The following DIP2C variants were observed in gnomAD, a reference collection of about 807,000 sequenced individuals.
DIP2C encodes disco-interacting protein 2 homolog C.
In DIP2C, 33 loss-of-function variants were observed where a neutral mutation model predicts 192.4. That is an observed-to-expected ratio of 0.17 (90% confidence interval 0.13 to 0.23). The LOEUF (loss-of-function observed/expected upper bound fraction) is 0.23, where lower values mean the gene tolerates loss of function less well. DIP2C is among the 10% of genes least tolerant of loss of function. The pLI, the probability that DIP2C is intolerant of heterozygous loss-of-function variation, is 1.00. For synonymous variants in DIP2C, 979 were observed against 864.1 expected (o/e 1.13, Z -2.33); for missense variants, 1,537 against 2,110.1 (o/e 0.73, Z 5.32).
At chr10:446,253 C>T (rs752738440) in intron 3 of DIP2C, among the ~76,000 whole-genome samples, 44 of 152,080 alleles carry the variant, frequency 2.9e-4, no homozygotes, top group Non-Finnish European at 5.9e-4. Flanking sequence ...CATCTGTATA[C>T]ACCTGTCATG....
chr10:394,026 G>C (rs1963732035), intron 10 of DIP2C, among the ~76,000 whole-genome samples: 1 of 152,194 alleles, frequency 6.6e-6, no homozygotes, highest in African/African-American at 2.4e-5. Context: ...CCTAAATATA[G>C]AACTACCATA....
At chr10:379,865 C>T (rs1962167573) in intron 17 of DIP2C, among the ~76,000 whole-genome samples, 1 of 152,188 alleles carries the variant, frequency 6.6e-6, no homozygotes, top group Admixed American at 6.5e-5. Context: ...GCAGAAGAGG[C>T]TGTCCCTGGA....
At chr10:378,069 C>T (rs1444450723) in intron 17 of DIP2C, among the ~76,000 whole-genome samples, 2 of 152,130 alleles carry the variant, frequency 1.3e-5, no homozygotes, top group Admixed American at 6.6e-5. Context: ...AAACAGTTTC[C>T]TGGTTTTCGC....
rs573634850 is a variant in DIP2C at position 649,197 on chromosome 10, G to A, written c.85+40297C>T. 7.3e-4 allele frequency among the ~76,000 whole-genome samples: 110 copies of A among 150,748 alleles called. 3 individuals carry two copies. The highest frequency in any genetic ancestry group is 2.8e-3 in the East Asian group (14 of 5,086). Reference sequence around the variant, plus strand: ...AACTGAGTCCACGTCCACATTTGACGGTGGGAGAGAACAGAGGGAAACTGA... The same window carrying A: ...AACTGAGTCCACGTCCACATTTGACAGTGGGAGAGAACAGAGGGAAACTGA... On this transcript the variant is annotated intron_variant, in intron 1 of 36. Transcript: ENST00000280886.
chr10:660,405 T>C (rs923841478), intron 1 of DIP2C, among the ~76,000 whole-genome samples: 4 of 151,964 alleles, frequency 2.6e-5, no homozygotes, highest in African/African-American at 9.7e-5. Context: ...CCCTTGTCCC[T>C]GTTTCAAGCT....
chr10:525,507 G>C (rs1311176381), intron 1 of DIP2C, among the ~76,000 whole-genome samples: 1 of 152,222 alleles, frequency 6.6e-6, no homozygotes, highest in East Asian at 1.9e-4. Context: ...CAAAGTGTTT[G>C]AGGAAAAGTC....
chr10:674,789 T>TATATATATATAGAGAGAGAG, intron 1 of DIP2C, among the ~76,000 whole-genome samples: 22 of 62,472 alleles, frequency 3.5e-4, no homozygotes, highest in East Asian at 1.6e-3. Context: ...TATATATATA[T>TATATATATATAGAGAGAGAG]AGAGAGAGAG....
chr10:348,848 G>T, intron 25 of DIP2C, 86 bp from the exon 26 acceptor site: 1 of 1,558,250 alleles, frequency 6.4e-7, no homozygotes. Context: ...CTTGTCTGGG[G>T]CAAGTTCAAC....
At chr10:660,355 G>C (rs573991349) in intron 1 of DIP2C, among the ~76,000 whole-genome samples, 1 of 150,538 alleles carries the variant, frequency 6.6e-6, no homozygotes, top group East Asian at 2.0e-4. Context: ...CCTAGCCCTT[G>C]TCCCTGTTTC....
At chr10:622,362 G>A (rs1361459535) in intron 1 of DIP2C, among the ~76,000 whole-genome samples, 2 of 78,298 alleles carry the variant, frequency 2.6e-5, no homozygotes, top group Non-Finnish European at 5.2e-5. Context: ...GGGAGGGAGG[G>A]AGGGGGAGAG....
At chr10:611,958 T>C (rs1853125231) in intron 1 of DIP2C, among the ~76,000 whole-genome samples, 1 of 144,372 alleles carries the variant, frequency 6.9e-6, no homozygotes, top group Admixed American at 7.3e-5. Flanking sequence ...AATTTCAAGA[T>C]TTTCAGACAG....
chr10:624,462 T>C (rs922830379), intron 1 of DIP2C, among the ~76,000 whole-genome samples: 3 of 152,198 alleles, frequency 2.0e-5, no homozygotes, highest in African/African-American at 4.8e-5. Context: ...CAGGCTTTTG[T>C]GCCTCACTCA....
At chr10:498,124 C>T (rs1406551957) in intron 1 of DIP2C, among the ~76,000 whole-genome samples, 1 of 152,194 alleles carries the variant, frequency 6.6e-6, no homozygotes. Context: ...CCTAGACTTC[C>T]CAAAGTGCTG....
At chr10:369,454 A>C in intron 18 of DIP2C, 40 bp downstream of exon 18, 1 of 1,485,070 alleles carries the variant, frequency 6.7e-7, no homozygotes, top group Non-Finnish European at 9.0e-7. Flanking sequence ...AAAAGCATTT[A>C]ATAACTGGTT....
At chr10:572,229 T>A (rs1259274854) in intron 1 of DIP2C, among the ~76,000 whole-genome samples, 78 of 152,364 alleles carry the variant, frequency 5.1e-4, no homozygotes, top group Non-Finnish European at 2.2e-4. Flanking sequence ...GCACCTGGCA[T>A]GTGTGCAGCA....
chr10:605,519 G>A (rs1379976677), intron 1 of DIP2C, among the ~76,000 whole-genome samples: 1 of 152,174 alleles, frequency 6.6e-6, no homozygotes, highest in Non-Finnish European at 1.5e-5. Context: ...ACAAGACTGT[G>A]CTGGAGAAAG....
At chr10:537,540 C>A (rs1354561113) in intron 1 of DIP2C, among the ~76,000 whole-genome samples, 4 of 152,000 alleles carry the variant, frequency 2.6e-5, no homozygotes, top group Non-Finnish European at 4.4e-5. Context: ...CATTTGTCCC[C>A]AGGGCACCCA....
chr10:525,067 A>T (rs1367276184), intron 1 of DIP2C, among the ~76,000 whole-genome samples: 1 of 152,092 alleles, frequency 6.6e-6, no homozygotes, highest in Non-Finnish European at 1.5e-5. Context: ...TATCTCATGT[A>T]TTTGTAGTTT....
intron 5 of DIP2C, among the ~76,000 whole-genome samples, chr10:421,231 G>A (rs1209722360): frequency 1.3e-5 from 2 of 152,162 alleles, no homozygotes; most frequent in Admixed American, 6.5e-5. Context: ...ATGTACATGA[G>A]TTATGAGCCC....
Sources: gnomAD v4.1 joint callset for allele counts (sites outside exome capture counted in the v4.1 genomes callset) on GRCh38, gnomAD v4.1.1 for gene constraint, MANE v1.5 for transcripts, NCBI Gene and HGNC (gene_info 2026-07-23, HGNC 2026-07-21) for gene names.